MEGF10: variants seen among roughly 807,000 people sequenced by gnomAD.
MEGF10 encodes multiple EGF like domains 10, also known as multiple epidermal growth factor-like domains protein 10.
Under a neutral mutation model 147.5 loss-of-function variants are expected in MEGF10, and 86 were observed. The observed-to-expected ratio is 0.58, with a 90% CI of 0.49 to 0.70. The LOEUF is 0.70. Ranked by LOEUF, MEGF10 falls within the 30% of genes least tolerant of loss-of-function variation. The pLI, the probability that MEGF10 is intolerant of heterozygous loss-of-function variation, is 0.00. For missense variants in MEGF10, 1,329 were observed against 1,487.3 expected (o/e 0.89, Z 1.75); for synonymous variants, 478 against 525.5 (o/e 0.91, Z 1.24).
Position 127,443,448 on chromosome 5 carries a change from A to G in MEGF10, c.2491+322A>G, listed in dbSNP as rs1765831169. ...GGGTCTATGATTTTTTTTCAGCTTTATTGAGGTGTAATTGATACACAAAAA... is the reference window on the plus strand; with the variant it reads ...GGGTCTATGATTTTTTTTCAGCTTTGTTGAGGTGTAATTGATACACAAAAA... On this transcript the variant is annotated intron_variant, in intron 19 of 24. Transcript: ENST00000503335. 3.3e-5 allele frequency among the ~76,000 whole-genome samples: 5 copies of G among 151,990 alleles called. No homozygotes were observed. In the South Asian group the frequency reaches 1.0e-3, roughly 32 times the overall value.
In MEGF10 at chr5:127,369,791, T is replaced by C; in HGVS notation, c.320-119T>C. 1.3e-5 allele frequency: 9 copies of C among 682,510 alleles called. No homozygotes were observed. The South Asian group carries it at 1.8e-4, about 14-fold the overall frequency. 42.3% of individuals were successfully genotyped at this position (682,510 alleles called of 1,614,324 possible). Reference sequence around the variant, plus strand: ...GGGCTGAGGAACGGACTGAAGAAAATTATCAAGCATGCATGTTGTTTTTAA... The same window carrying C: ...GGGCTGAGGAACGGACTGAAGAAAACTATCAAGCATGCATGTTGTTTTTAA... On this transcript the variant is annotated intron_variant, in intron 4 of 24. Transcript: ENST00000503335.
intron 1 of MEGF10, among the ~76,000 whole-genome samples, chr5:127,309,947 C>CTCTTTCCTTCTTTCTT (rs1554088995): frequency 0.055 from 4,945 of 90,388 alleles, 1,034 homozygotes; most frequent in Non-Finnish European, 0.057. Flanking sequence ...TCCTTGCCAA[C>CTCTTTCCTTCTTTCTT]TCTTTCTTTC....
At chr5:127,380,549 G>A (rs866891696) in intron 5 of MEGF10, among the ~76,000 whole-genome samples, 1 of 148,582 alleles carries the variant, frequency 6.7e-6, no homozygotes, top group Admixed American at 6.8e-5. Flanking sequence ...ATGGAGTCTC[G>A]CATTGTCACC....
intron 5 of MEGF10, among the ~76,000 whole-genome samples, chr5:127,375,449 C>A (rs1430069884): frequency 6.6e-6 from 1 of 152,184 alleles, no homozygotes; most frequent in Non-Finnish European, 1.5e-5. Context: ...AAAGTTTGTT[C>A]TCCCAAAATG....
chr5:127,240,600 T>C, the MEGF10 span, among the ~76,000 whole-genome samples: 1 of 152,244 alleles, frequency 6.6e-6, no homozygotes, highest in East Asian at 1.9e-4. Flanking sequence ...TCTGACAATA[T>C]GGAAACATTA....
Position 127,457,142 on chromosome 5 carries a change from G to A in MEGF10, c.3247G>A (p.Val1083Ile). The change falls in exon 25 of 25, where the codon GTT (valine) becomes ATT (isoleucine). Residue 1083 changes from valine (V) to isoleucine (I), a missense_variant. Physicochemically the swap from Val to Ile is conservative, Grantham distance 29 (BLOSUM62 3). Around this residue, in one of 3 missense-constraint regions of MEGF10, gnomAD observed 343 missense variants for 377.9 expected, o/e 0.91. Coordinates refer to ENST00000503335, the MANE Select transcript of MEGF10 (RefSeq NM_001256545.2). The part of the protein sequence containing the change: ...NVYEVEPTVS[V>I]VQGVFSNNGR... Reference sequence around the variant, plus strand: ...GGTTATCACAGAACCTACAGTGAGTGTTGTCCAAGGAGTATTCAGCAATAA... The same window carrying A: ...GGTTATCACAGAACCTACAGTGAGTATTGTCCAAGGAGTATTCAGCAATAA... 1 of 1,612,526 alleles carries A rather than the reference G, an allele frequency of 6.2e-7. No homozygotes were observed. Among genetic ancestry groups the A allele is most frequent in the African/African-American group, 1.3e-5 (1 of 75,014 alleles).
At chr5:127,267,426 G>A in the MEGF10 span, among the ~76,000 whole-genome samples, 1 of 152,148 alleles carries the variant, frequency 6.6e-6, no homozygotes, top group African/African-American at 2.4e-5. Flanking sequence ...TCAGGATGAT[G>A]CTGGCCTCAT....
chr5:127,443,814 T>C (rs768336004), intron 19 of MEGF10, among the ~76,000 whole-genome samples: 2 of 152,242 alleles, frequency 1.3e-5, no homozygotes, highest in Non-Finnish European at 2.9e-5. Flanking sequence ...GGATATACTA[T>C]AATTTGTTTA....
At chr5:127,268,240 C>T in the MEGF10 span, among the ~76,000 whole-genome samples, 1 of 152,280 alleles carries the variant, frequency 6.6e-6, no homozygotes, top group South Asian at 2.1e-4. Context: ...GAGTGAGTTT[C>T]TTAATCCTGA....
the MEGF10 span, among the ~76,000 whole-genome samples, chr5:127,285,757 CT>C: frequency 1.3e-5 from 2 of 151,954 alleles, no homozygotes; most frequent in African/African-American, 4.8e-5. Context: ...TTCTTGCTGG[CT>C]GTAATAAAAT....
intron 5 of MEGF10, among the ~76,000 whole-genome samples, chr5:127,391,087 TGCGCGC>T (rs139002719): frequency 0.13 from 17,412 of 131,744 alleles, 1,390 homozygotes; most frequent in Non-Finnish European, 0.15. Flanking sequence ...CATACACACA[TGCGCGC>T]GCGCGCGCGC....
At chr5:127,246,202 A>G in the MEGF10 span, among the ~76,000 whole-genome samples, 1 of 152,210 alleles carries the variant, frequency 6.6e-6, no homozygotes, top group Admixed American at 6.5e-5. Context: ...CTTGGAACCA[A>G]TCCAAATGCC....
At chr5:127,374,351 C>T (rs916643565) in intron 5 of MEGF10, among the ~76,000 whole-genome samples, 3 of 152,096 alleles carry the variant, frequency 2.0e-5, no homozygotes, top group Non-Finnish European at 4.4e-5. Flanking sequence ...GGCCAACCAG[C>T]AATAGAAAAA....
At chr5:127,441,008 A>T (rs984281707) in intron 18 of MEGF10, 141 bp downstream of exon 18, 5 of 1,110,670 alleles carry the variant, frequency 4.5e-6, no homozygotes, top group African/African-American at 1.5e-5. Flanking sequence ...AGCATGACTG[A>T]CTTCCCCTCC....
chr5:127,230,091 A>G, the MEGF10 span, among the ~76,000 whole-genome samples: 3 of 152,072 alleles, frequency 2.0e-5, no homozygotes, highest in Non-Finnish European at 4.4e-5. Context: ...AGACTGTAAT[A>G]TCCCTTGTAG....
At chr5:127,291,380 G>C (rs1759249110) in intron 1 of MEGF10, among the ~76,000 whole-genome samples, 1 of 152,182 alleles carries the variant, frequency 6.6e-6, no homozygotes, top group Admixed American at 6.5e-5. Context: ...GGGCGATATA[G>C]CTGGATGTAG....
At chr5:127,364,504 T>C (rs1232703224) in intron 4 of MEGF10, among the ~76,000 whole-genome samples, 1 of 152,234 alleles carries the variant, frequency 6.6e-6, no homozygotes, top group African/African-American at 2.4e-5. Flanking sequence ...ATATACACAG[T>C]AGTGCCTATC....
intron 22 of MEGF10, among the ~76,000 whole-genome samples, chr5:127,451,956 T>C (rs1185672417): frequency 1.3e-5 from 2 of 152,202 alleles, no homozygotes; most frequent in Non-Finnish European, 2.9e-5. Context: ...CCCTGAGATA[T>C]AGCACTGGGC....
chr5:127,447,321 G>T (rs184560960), intron 20 of MEGF10, among the ~76,000 whole-genome samples: 1 of 152,022 alleles, frequency 6.6e-6, no homozygotes, highest in Admixed American at 6.6e-5. Flanking sequence ...GACTACAGGC[G>T]CATGCTACCG....
Sources: allele counts gnomAD v4.1 joint callset (sites outside exome capture counted in the v4.1 genomes callset), GRCh38; gene constraint gnomAD v4.1.1; regional missense constraint gnomAD v4.1.1; transcripts MANE v1.5; gene names NCBI Gene and HGNC (gene_info 2026-07-23, HGNC 2026-07-21).